The following ZDHHC2 variants were observed in gnomAD, a reference collection of about 807,000 sequenced individuals.
ZDHHC2 encodes the protein palmitoyltransferase ZDHHC2.
In ZDHHC2, 51 loss-of-function variants were observed where a neutral mutation model predicts 55.6. The ratio of observed to expected loss-of-function variants is 0.92; its 90% confidence interval spans 0.73 to 1.16. ZDHHC2 has a LOEUF of 1.16. ZDHHC2 is among the 50% of genes most tolerant of loss of function. The pLI is 0.00. For synonymous variants in ZDHHC2, 199 were observed against 152.9 expected, an observed-to-expected ratio of 1.30 and a Z score of -2.22; for missense variants, 491 against 442.4, an observed-to-expected ratio of 1.11 and a Z score of -0.99.
chr8:17,166,108 G>C (rs573724215), intron 1 of ZDHHC2, among the ~76,000 whole-genome samples: 2 of 152,330 alleles, frequency 1.3e-5, no homozygotes, highest in African/African-American at 4.8e-5. Flanking sequence ...AGAATCCACT[G>C]CAGGGTGTTG....
At chr8:17,189,837 A>G (rs1805927724) in intron 3 of ZDHHC2, among the ~76,000 whole-genome samples, 1 of 152,236 alleles carries the variant, frequency 6.6e-6, no homozygotes, top group African/African-American at 2.4e-5. Context: ...TACCTTAGTC[A>G]TACAACTGTT....
Position 17,186,378 on chromosome 8 carries a change from T to C in ZDHHC2, c.205T>C (p.Ser69Pro). 1 of 1,589,846 alleles carries C rather than the reference T, an allele frequency of 6.3e-7. No homozygotes were observed. Among genetic ancestry groups the C allele is most frequent in the Non-Finnish European group, 8.5e-7 (1 of 1,172,174 alleles). Reference protein sequence around the residue: ...YHLLFAMFVWSYWKTIFTLPM... With the variant: ...YHLLFAMFVWPYWKTIFTLPM... Reference sequence around the variant, plus strand: ...TCTACTTTTTGCAATGTTTGTCTGGTCATACTGGAAAACTATCTTTACATT... The same window carrying C: ...TCTACTTTTTGCAATGTTTGTCTGGCCATACTGGAAAACTATCTTTACATT... Residue 69 changes from serine (S) to proline (P), a missense_variant, in exon 3 of 13, where the codon TCA (serine) becomes CCA (proline). Ser to Pro is a moderately conservative substitution (Grantham distance 74). Transcript: ENST00000262096.
chr8:17,196,899 A>ATTTC (rs1043942244), intron 4 of ZDHHC2, among the ~76,000 whole-genome samples: 4 of 151,138 alleles, frequency 2.6e-5, no homozygotes, highest in African/African-American at 9.8e-5. Flanking sequence ...TGACAGTGAG[A>ATTTC]TTTCGTCTCA....
intron 10 of ZDHHC2, 71 bp downstream of exon 10, chr8:17,210,551 G>T: frequency 3.9e-6 from 5 of 1,290,132 alleles, no homozygotes; most frequent in South Asian, 1.6e-5. Flanking sequence ...TTGGTTATAT[G>T]TTCCTTTGAA....
chr8:17,191,343 C>G (rs1278642956), intron 3 of ZDHHC2, among the ~76,000 whole-genome samples: 2 of 152,150 alleles, frequency 1.3e-5, no homozygotes, highest in African/African-American at 4.8e-5. Flanking sequence ...GTGATCCACT[C>G]GCCTTGGCCT....
rs914604057 is a variant in ZDHHC2, at chr8:17,212,219, G to A, written c.950+1739G>A. On this transcript the variant is annotated intron_variant, in intron 10 of 12. Transcript: ENST00000262096. The stretch of plus-strand genomic sequence containing the variant: ...CATGTTGAGCCCAGATAAAATTTTC[G>A]TGGCAAGTTCTGTTCTCTTCTTTAC... Among the ~76,000 whole-genome samples, 4 of 152,126 alleles carry A rather than the reference G, an allele frequency of 2.6e-5. No homozygotes were observed. In the South Asian group the frequency reaches 6.2e-4, roughly 24 times the overall value.
chr8:17,180,583 G>T (rs951348527), intron 1 of ZDHHC2, among the ~76,000 whole-genome samples: 1 of 152,012 alleles, frequency 6.6e-6, no homozygotes, highest in South Asian at 2.1e-4. Flanking sequence ...TATTATAATT[G>T]TACATTCATG....
At chr8:17,211,369 A>G (rs1457155964) in intron 10 of ZDHHC2, among the ~76,000 whole-genome samples, 1 of 152,148 alleles carries the variant, frequency 6.6e-6, no homozygotes, top group African/African-American at 2.4e-5. Context: ...TCCATATTGA[A>G]CATTTCTTAC....
intron 1 of ZDHHC2, among the ~76,000 whole-genome samples, chr8:17,158,744 G>A (rs1381570854): frequency 1.3e-5 from 2 of 152,206 alleles, no homozygotes; most frequent in East Asian, 3.9e-4. Context: ...CCTAAGTGGC[G>A]TGGCCTGTTA....
chr8:17,217,166 A>G lies in ZDHHC2; in HGVS notation c.1064-6A>G, dbSNP rs1395472467. 2 of 1,610,656 alleles carry G rather than the reference A, an allele frequency of 1.2e-6. No individual in the cohort carries two copies. The highest frequency in any genetic ancestry group is 2.7e-5 in the African/African-American group (2 of 74,762). On this transcript the variant is annotated splice_polypyrimidine_tract_variant and splice_region_variant and intron_variant, in intron 11 of 12. Transcript: ENST00000262096. Reference sequence around the variant, plus strand: ...CAAAAATGCTAACTTATGTGCTTTCATTAAGGTATGAGCAATCCTGCATTA... The same window carrying G: ...CAAAAATGCTAACTTATGTGCTTTCGTTAAGGTATGAGCAATCCTGCATTA...
chr8:17,204,501 C>G (rs890052552), intron 6 of ZDHHC2, among the ~76,000 whole-genome samples: 7 of 152,208 alleles, frequency 4.6e-5, no homozygotes, highest in Non-Finnish European at 7.3e-5. Context: ...TGATGTATCA[C>G]ATTGACACAA....
chr8:17,192,474 A>AT (rs1386336515), intron 3 of ZDHHC2, among the ~76,000 whole-genome samples: 1 of 152,064 alleles, frequency 6.6e-6, no homozygotes, highest in Admixed American at 6.5e-5. Flanking sequence ...GGATTATTAG[A>AT]TTTTTTTCCT....
At chr8:17,171,635 C>T (rs745930886) in intron 1 of ZDHHC2, among the ~76,000 whole-genome samples, 6 of 151,962 alleles carry the variant, frequency 3.9e-5, no homozygotes, top group Non-Finnish European at 4.4e-5. Context: ...CTGTTTCTGT[C>T]GAGTAGAGCT....
At chr8:17,176,176 C>G (rs750742390) in intron 1 of ZDHHC2, among the ~76,000 whole-genome samples, 2 of 152,010 alleles carry the variant, frequency 1.3e-5, no homozygotes, top group Non-Finnish European at 2.9e-5. Context: ...AATGAATTTT[C>G]AGGGAATTGT....
At chr8:17,200,018 G>A (rs1473678143) in intron 6 of ZDHHC2, among the ~76,000 whole-genome samples, 5 of 152,078 alleles carry the variant, frequency 3.3e-5, no homozygotes, top group Non-Finnish European at 7.4e-5. Flanking sequence ...GCCTCCCAAA[G>A]TGCTGGGATT....
chr8:17,205,364 G>T (rs1228377516), intron 6 of ZDHHC2, among the ~76,000 whole-genome samples: 1 of 152,212 alleles, frequency 6.6e-6, no homozygotes, highest in Non-Finnish European at 1.5e-5. Flanking sequence ...ACGGTTTCTC[G>T]CAGGCTCTGT....
In ZDHHC2 at chr8:17,220,685, A is replaced by G. The variant is rs926927325; in HGVS notation, c.*464A>G. On this transcript the variant is annotated 3_prime_UTR_variant, in exon 13 of 13. Coordinates refer to ENST00000262096, the MANE Select transcript of ZDHHC2 (RefSeq NM_016353.5). The stretch of plus-strand genomic sequence containing the variant: ...ATTCATAAAACTTGTTACCTTTAAG[A>G]AGGTGGAAGTGGCAAACCATACTTC... The G allele has an allele frequency of 2.0e-5, 3 of 152,196 alleles. No individual in the cohort carries two copies. The highest frequency in any genetic ancestry group is 7.2e-5 in the African/African-American group (3 of 41,448). The allele number at this position is 152,196 out of a possible 1,614,324, so 9.4% of individuals were successfully genotyped here.
Position 17,208,294 on chromosome 8 carries a change from G to GTA in ZDHHC2, c.730+212_730+213dup, listed in dbSNP as rs754684284. On this transcript the variant is annotated intron_variant, in intron 8 of 12. Coordinates refer to ENST00000262096, the MANE Select transcript of ZDHHC2 (RefSeq NM_016353.5). ...TATTTATTGATTGTCTCATATATAT[G>GTA]TATATATATATGAGACTATATATAT... Among the ~76,000 whole-genome samples the GTA allele has an allele frequency of 4.7e-5, 7 of 148,550 alleles. 1 individual carries two copies. Among genetic ancestry groups the GTA allele is most frequent in the South Asian group, 4.2e-4 (2 of 4,738 alleles).
chr8:17,195,048 T>G (rs2150921510), intron 3 of ZDHHC2, among the ~76,000 whole-genome samples: 1 of 152,304 alleles, frequency 6.6e-6, no homozygotes, highest in Non-Finnish European at 1.5e-5. Flanking sequence ...GGGGGAGATT[T>G]TATGTAAGGA....
Sources: allele counts gnomAD v4.1 joint callset (sites outside exome capture counted in the v4.1 genomes callset), GRCh38; gene constraint gnomAD v4.1.1; transcripts MANE v1.5; gene names NCBI Gene and HGNC (gene_info 2026-07-23, HGNC 2026-07-21).